The following DTNB variants were observed in gnomAD, a reference collection of about 807,000 sequenced individuals.
DTNB encodes DTN-B.
Under a neutral mutation model 90.7 loss-of-function variants are expected in DTNB, and 63 were observed. That is an observed-to-expected ratio of 0.69 (90% CI 0.57 to 0.86). The LOEUF (loss-of-function observed/expected upper bound fraction) is 0.86, where lower values mean the gene tolerates loss of function less well. Ranked by LOEUF, DTNB falls within the 40% of genes least tolerant of loss-of-function variation. The pLI is 0.00. For missense variants in DTNB, 744 were observed against 807.1 expected (o/e 0.92, Z 0.95); for synonymous variants, 277 against 286.7 (o/e 0.97, Z 0.34).
intron 8 of DTNB, among the ~76,000 whole-genome samples, chr2:25,559,898 C>T (rs1243181278): frequency 2.0e-5 from 3 of 152,160 alleles, no homozygotes; most frequent in Admixed American, 6.5e-5. Flanking sequence ...AGTCAAAGAA[C>T]GCCAACTGCA....
chr2:25,510,365 T>C (rs2073671356), intron 9 of DTNB, among the ~76,000 whole-genome samples: 1 of 152,194 alleles, frequency 6.6e-6, no homozygotes. Context: ...CTGTATTTGA[T>C]AGTTCACACT....
intron 18 of DTNB, among the ~76,000 whole-genome samples, chr2:25,385,242 C>T (rs1475346719): frequency 6.6e-6 from 1 of 152,084 alleles, no homozygotes; most frequent in Non-Finnish European, 1.5e-5. Context: ...ATGAGGACTA[C>T]AAGCTATGTA....
chr2:25,415,865 C>G (rs2047789015), intron 16 of DTNB, among the ~76,000 whole-genome samples: 1 of 152,198 alleles, frequency 6.6e-6, no homozygotes, highest in South Asian at 2.1e-4. Context: ...CTTGGATGGT[C>G]ACCTGTGCCC....
chr2:25,662,223 T>C (rs778704487), intron 1 of DTNB, among the ~76,000 whole-genome samples: 15 of 151,688 alleles, frequency 9.9e-5, no homozygotes, highest in Non-Finnish European at 1.9e-4. Context: ...TTTACAACTA[T>C]GTCCTGAGGA....
intron 14 of DTNB, 48 bp from the exon 15 acceptor site, chr2:25,427,679 A>G (rs558070385): frequency 6.3e-7 from 1 of 1,576,652 alleles, no homozygotes; most frequent in Non-Finnish European, 8.6e-7. Context: ...TCAAAGATGG[A>G]TCTAAGGCCA....
chr2:25,614,477 A>C (rs1403322352), intron 4 of DTNB, among the ~76,000 whole-genome samples: 1 of 152,244 alleles, frequency 6.6e-6, no homozygotes, highest in Admixed American at 6.5e-5. Context: ...TGCAGAATGT[A>C]AGGTCAACAT....
intron 15 of DTNB, among the ~76,000 whole-genome samples, chr2:25,420,467 A>AATCTATCTATCTATCTACCTATCTATCT (rs2049195168): frequency 6.9e-6 from 1 of 145,528 alleles, no homozygotes; most frequent in African/African-American, 2.6e-5. Flanking sequence ...CATCTAAATC[A>AATCTATCTATCTATCTACCTATCTATCT]ATCTATCTAT....
At position 25,405,647 on chromosome 2, in the gene DTNB, T is replaced by C. The variant is rs2044934863; in HGVS notation, c.1575+13868A>G. On this transcript the variant is annotated intron_variant, in intron 16 of 20. Coordinates refer to ENST00000406818, the MANE Select transcript of DTNB (RefSeq NM_021907.5). ...CAGACCATGAGCCAAGAATGATTTT[T>C]ACATTTTTTAATGGTTACATTTTAA... Among the ~76,000 whole-genome samples, 4 of 152,348 alleles carry C rather than the reference T, an allele frequency of 2.6e-5. No homozygotes were observed. In the South Asian group the frequency reaches 8.3e-4, roughly 32 times the overall value.
In DTNB at chr2:25,424,102, C is replaced by T. The variant is rs1268267936; in HGVS notation, c.1554+3433G>A. 6.6e-6 allele frequency among the ~76,000 whole-genome samples: 1 copy of T among 152,230 alleles called. No individual in the cohort carries two copies. The highest frequency in any genetic ancestry group is 2.1e-4 in the South Asian group (1 of 4,822). On this transcript the variant is annotated intron_variant, in intron 15 of 20. Coordinates refer to ENST00000406818, the MANE Select transcript of DTNB (RefSeq NM_021907.5). The surrounding 1 kb of genome is among the most constrained non-coding windows in gnomAD (Gnocchi z 4.1). ...GCATATAATACAAAAATTAAGATTA[C>T]GTGGTAATTCTTTTAGGAAGCTGGA...
chr2:25,388,359 A>G lies in DTNB; in HGVS notation c.1578T>C (p.Ala526=), dbSNP rs1325300493. The change falls in exon 17 of 21, where the codon GCT becomes GCC. Residue 526 remains alanine, a splice_region_variant and synonymous_variant. Transcript: ENST00000406818. Reference sequence around the variant, plus strand: ...ATGTATGTGGTGACCCTGTGGCCTGAGCCTGGAGATTCAAAGACAGAAAAT... The same window carrying G: ...ATGTATGTGGTGACCCTGTGGCCTGGGCCTGGAGATTCAAAGACAGAAAAT... ...LLKEEEQKQA[A]QATGSPHTSP... is the part of the protein sequence containing the mutation. 6.3e-7 allele frequency: 1 copy of G among 1,597,244 alleles called. No homozygotes were observed. Among genetic ancestry groups the G allele is most frequent in the East Asian group, 2.2e-5 (1 of 44,502 alleles).
chr2:25,409,888 A>C (rs1172976887), intron 16 of DTNB, among the ~76,000 whole-genome samples: 1 of 152,162 alleles, frequency 6.6e-6, no homozygotes, highest in Non-Finnish European at 1.5e-5. Flanking sequence ...TCAGTTGCGC[A>C]TGTCCAAATA....
chr2:25,527,510 ACT>A (rs1253220346), intron 9 of DTNB, among the ~76,000 whole-genome samples: 2 of 151,566 alleles, frequency 1.3e-5, no homozygotes, highest in African/African-American at 4.9e-5. Flanking sequence ...ACAGACTGAG[ACT>A]CTGTCTCAAA....
intron 8 of DTNB, among the ~76,000 whole-genome samples, chr2:25,564,803 T>C (rs2151227424): frequency 6.6e-6 from 1 of 152,364 alleles, no homozygotes. Flanking sequence ...GTTTTCTTAA[T>C]TTCATTTTCA....
At chr2:25,410,893 TTAATG>T (rs901396592) in intron 16 of DTNB, among the ~76,000 whole-genome samples, 125 of 152,224 alleles carry the variant, frequency 8.2e-4, no homozygotes, top group African/African-American at 2.7e-3. Flanking sequence ...TTATGTTACT[TTAATG>T]TAAGTTCTTG....
intron 8 of DTNB, among the ~76,000 whole-genome samples, chr2:25,559,717 A>G (rs906781915): frequency 6.6e-6 from 1 of 152,246 alleles, no homozygotes; most frequent in Non-Finnish European, 1.5e-5. Flanking sequence ...CTATGACAAA[A>G]TTAACTTAAG....
intron 4 of DTNB, among the ~76,000 whole-genome samples, chr2:25,614,857 A>C (rs1238035415): frequency 1.3e-5 from 2 of 152,228 alleles, no homozygotes; most frequent in African/African-American, 4.8e-5. Flanking sequence ...CCCACACACC[A>C]AGCAAGCAAT....
At chr2:25,658,117 C>G (rs1160990742) in intron 1 of DTNB, among the ~76,000 whole-genome samples, 1 of 151,838 alleles carries the variant, frequency 6.6e-6, no homozygotes, top group Non-Finnish European at 1.5e-5. Flanking sequence ...ATGATCTGGG[C>G]GTGGTGGCAC....
intron 6 of DTNB, among the ~76,000 whole-genome samples, chr2:25,594,207 T>A (rs965598390): frequency 6.6e-6 from 1 of 152,150 alleles, no homozygotes; most frequent in African/African-American, 2.4e-5. Context: ...CATTTGAAAA[T>A]GCATATTCGG....
At chr2:25,540,179 C>G (rs995038050) in intron 8 of DTNB, among the ~76,000 whole-genome samples, 1 of 152,072 alleles carries the variant, frequency 6.6e-6, no homozygotes, top group Non-Finnish European at 1.5e-5. Context: ...ATTTACCACC[C>G]AAAAAATCCT....
Sources: gnomAD v4.1 joint callset for allele counts (sites outside exome capture counted in the v4.1 genomes callset) on GRCh38, gnomAD v4.1.1 for gene constraint, Gnocchi (gnomAD v3.1) non-coding constraint, MANE v1.5 for transcripts, NCBI Gene and HGNC (gene_info 2026-07-23, HGNC 2026-07-21) for gene names.